Variants in IL12A observed in about 807,000 individuals in gnomAD.
The protein encoded by IL12A is interleukin 12A.
IL12A carries 16 observed loss-of-function variants against 23.5 expected under a neutral mutation model. That is an observed-to-expected ratio of 0.68 (90% confidence interval 0.46 to 1.03). The LOEUF (loss-of-function observed/expected upper bound fraction) is 1.03. Among genes scored for constraint, IL12A ranks in the 50% least tolerant of loss-of-function variants. The pLI is 0.00. For missense variants in IL12A, 275 were observed against 307.0 expected (o/e 0.90, Z 0.78); for synonymous variants, 106 against 111.5 (o/e 0.95, Z 0.31).
intron 3 of IL12A, 42 bp downstream of exon 3, chr3:159,993,167 A>G (rs182240590): frequency 1.5e-4 from 161 of 1,102,920 alleles, no homozygotes; most frequent in Non-Finnish European, 2.1e-4. Flanking sequence ...TGTGGTTAAA[A>G]ACTGTGCATC....
At chr3:159,992,822 G>A (rs1720365000) in intron 2 of IL12A, among the ~76,000 whole-genome samples, 190 bp from the exon 3 acceptor site, 2 of 152,206 alleles carry the variant, frequency 1.3e-5, no homozygotes, top group Admixed American at 1.3e-4. Context: ...AGGGAGAGGA[G>A]GGTGAGAGAC....
rs1209961637 is a variant in IL12A at position 159,993,439 on chromosome 3, T to C, written c.379-12T>C. On this transcript the variant is annotated splice_polypyrimidine_tract_variant and intron_variant, in intron 3 of 6. Coordinates refer to ENST00000305579, the MANE Select transcript of IL12A (RefSeq NM_000882.4). ...AGAATTAATACTTTGATATATGATTTTTTCCCTCTAGAATGAGAGTTGCCT... is the reference window on the plus strand; with the variant it reads ...AGAATTAATACTTTGATATATGATTCTTTCCCTCTAGAATGAGAGTTGCCT... 2 of 1,600,314 alleles carry C rather than the reference T, an allele frequency of 1.2e-6. No homozygotes were observed. Among genetic ancestry groups the C allele is most frequent in the African/African-American group, 2.7e-5 (2 of 74,520 alleles).
Position 159,989,063 on chromosome 3 carries a change from C to T in IL12A, c.7C>T (p.Pro3Ser), listed in dbSNP as rs34012639. ...CCTCGGGACAATTATAAAAATGTGG[C>T]CCCCTGGGTCAGCCTCCCAGCCACC... The change falls in exon 1 of 7, where the codon CCC (proline) becomes TCC (serine). Residue 3 changes from proline to serine, a missense_variant. Coordinates refer to ENST00000305579, the MANE Select transcript of IL12A (RefSeq NM_000882.4). 2 of 1,612,322 alleles carry T rather than the reference C, an allele frequency of 1.2e-6. No individual in the cohort carries two copies. The highest frequency in any genetic ancestry group is 2.7e-5 in the African/African-American group (2 of 74,988).
chr3:159,994,282 C>T (rs915463919), intron 6 of IL12A: 1 of 156,410 alleles, frequency 6.4e-6, no homozygotes, highest in African/African-American at 2.4e-5. Context: ...TGCAAGGGGC[C>T]AGTTTGCATA....
At chr3:159,993,375 A>T (rs1720384214) in intron 3 of IL12A, 76 bp from the exon 4 acceptor site, 1 of 1,173,392 alleles carries the variant, frequency 8.5e-7, no homozygotes, top group Non-Finnish European at 1.2e-6. Context: ...CCATAATAAA[A>T]AAAATTTGAG....
At position 159,993,745 on chromosome 3, in the gene IL12A, G is replaced by C. The variant is rs749989170; in HGVS notation, c.507G>C (p.Gln169His). 94 of 1,613,994 alleles carry C rather than the reference G, an allele frequency of 5.8e-5. No homozygotes were observed. Among genetic ancestry groups the C allele is most frequent in the Non-Finnish European group, 7.7e-5 (91 of 1,179,996 alleles). Residue 169 changes from glutamine to histidine, a missense_variant, in exon 6 of 7, where the codon CAG becomes CAC. Physicochemically the swap from Gln to His is conservative, Grantham distance 24. Coordinates refer to ENST00000305579, the MANE Select transcript of IL12A (RefSeq NM_000882.4). ...TTTATGAAGACTTGAAGATGTACCA[G>C]GTGGAGTTCAAGACCATGAATGCAA...
chr3:159,992,033 G>A (rs1440694423), intron 2 of IL12A, among the ~76,000 whole-genome samples: 7 of 152,206 alleles, frequency 4.6e-5, no homozygotes, highest in Non-Finnish European at 1.0e-4. Flanking sequence ...TCCAGGGATT[G>A]GGAGGTGGAT....
chr3:159,993,298 C>T, intron 3 of IL12A, 153 bp from the exon 4 acceptor site: 1 of 736,954 alleles, frequency 1.4e-6, no homozygotes, highest in South Asian at 1.9e-5. Flanking sequence ...GTTTTTTTTG[C>T]AACAATGTGA....
intron 3 of IL12A, 121 bp from the exon 4 acceptor site, chr3:159,993,330 A>T: frequency 1.2e-6 from 1 of 803,992 alleles, no homozygotes; most frequent in Non-Finnish European, 2.0e-6. Context: ...ACTTAAAAAT[A>T]GTTCAGATGC....
Position 159,988,982 on chromosome 3 carries a change from A to G in IL12A, c.-75A>G. The G allele has an allele frequency of 8.3e-7, 1 of 1,207,574 alleles. No individual in the cohort carries two copies. The highest frequency in any genetic ancestry group is 1.2e-5 in the South Asian group (1 of 82,708). The allele number at this position is 1,207,574 out of a possible 1,614,324, so 74.8% of individuals were successfully genotyped here. A position where few individuals can be genotyped will look rare whatever the true frequency, so the allele number is the denominator to read the frequency against. ...GTCACCGAGAAGCTGATGTAGAGAG[A>G]GACACAGAAGGAGACAGAAAGCAAG... On this transcript the variant is annotated 5_prime_UTR_variant, in exon 1 of 7. Transcript: ENST00000305579.
At chr3:159,990,448 G>A in intron 2 of IL12A, 136 bp downstream of exon 2, 2 of 860,998 alleles carry the variant, frequency 2.3e-6, no homozygotes, top group Non-Finnish European at 1.8e-6. Flanking sequence ...AGCAGGAGAG[G>A]GAACTTTACA....
chr3:159,989,812 C>G (rs1720235922), intron 1 of IL12A, among the ~76,000 whole-genome samples: 1 of 152,196 alleles, frequency 6.6e-6, no homozygotes, highest in Non-Finnish European at 1.5e-5. Context: ...GGCTTTCTCA[C>G]TCCACTGTTT....
At chr3:159,995,165 CTAAA>C (rs1464440433) in intron 6 of IL12A, among the ~76,000 whole-genome samples, 1 of 152,088 alleles carries the variant, frequency 6.6e-6, no homozygotes, top group African/African-American at 2.4e-5. Context: ...ATGATTTTTT[CTAAA>C]TAGTTTTAAG....
In IL12A at chr3:159,995,765, ATCCATCCTGAAGGTGTTT is replaced by A. The variant is rs1169381261; in HGVS notation, c.*208_*225del. The A allele has an allele frequency of 1.6e-5, 6 of 373,710 alleles. No homozygotes were observed. The highest frequency in any genetic ancestry group is 2.8e-5 in the Non-Finnish European group (6 of 211,216). The allele number at this position is 373,710 out of a possible 1,614,324, so 23.1% of individuals were successfully genotyped here. A position where few individuals can be genotyped will look rare whatever the true frequency, so the allele number is the denominator to read the frequency against. On this transcript the variant is annotated 3_prime_UTR_variant, in exon 7 of 7. Coordinates refer to ENST00000305579, the MANE Select transcript of IL12A (RefSeq NM_000882.4). Reference sequence around the variant, plus strand: ...GAATGAATTGCTAAGAAGGGAAAATATCCATCCTGAAGGTGTTTTTCATTCACTTTAATAGAAGGGCAA... The same window carrying A: ...GAATGAATTGCTAAGAAGGGAAAATATTCATTCACTTTAATAGAAGGGCAA...
intron 6 of IL12A, 100 bp downstream of exon 6, chr3:159,993,944 T>A: frequency 1.7e-6 from 2 of 1,204,066 alleles, no homozygotes; most frequent in Non-Finnish European, 2.4e-6. Flanking sequence ...GGAGGCCTTT[T>A]AAAGGCCTGA....
intron 2 of IL12A, among the ~76,000 whole-genome samples, chr3:159,991,179 G>A (rs908270258): frequency 6.6e-6 from 1 of 152,130 alleles, no homozygotes; most frequent in Non-Finnish European, 1.5e-5. Context: ...CCGAAGAAAG[G>A]TTCAAAATGG....
chr3:159,995,042 C>A (rs1227738838), intron 6 of IL12A, among the ~76,000 whole-genome samples: 1 of 152,146 alleles, frequency 6.6e-6, no homozygotes, highest in Non-Finnish European at 1.5e-5. Context: ...TCCATCACCT[C>A]CCTGTGCTAA....
rs2243118 is a variant in IL12A at position 159,989,676 on chromosome 3, G to C, written c.119-491G>C. Among the ~76,000 whole-genome samples, 768 of 152,144 alleles carry C rather than the reference G, an allele frequency of 5.0e-3. 5 individuals are homozygous for C. Among genetic ancestry groups the C allele is most frequent in the African/African-American group, 0.018 (744 of 41,482 alleles). On this transcript the variant is annotated intron_variant, in intron 1 of 6. Transcript: ENST00000305579. ...TGGGTGCCTGTAATCCCATCTACTCGGGAGTCTAAGGCAGGGAAAATTGCT... is the reference window on the plus strand; with the variant it reads ...TGGGTGCCTGTAATCCCATCTACTCCGGAGTCTAAGGCAGGGAAAATTGCT...
At chr3:159,993,318 A>G in intron 3 of IL12A, 133 bp from the exon 4 acceptor site, 1 of 773,378 alleles carries the variant, frequency 1.3e-6, no homozygotes, top group South Asian at 1.8e-5. Flanking sequence ...AATACACTTA[A>G]CACTTAAAAA....
Sources: allele counts gnomAD v4.1 joint callset (sites outside exome capture counted in the v4.1 genomes callset), GRCh38; gene constraint gnomAD v4.1.1; transcripts MANE v1.5; gene names NCBI Gene and HGNC (gene_info 2026-07-23, HGNC 2026-07-21).